Variants in DPP6 observed in about 807,000 individuals in gnomAD.
The protein encoded by DPP6 is A-type potassium channel modulatory protein DPP6.
In DPP6, 69 loss-of-function variants were observed where a neutral mutation model predicts 122.6. That is an observed-to-expected ratio of 0.56 (90% CI 0.46 to 0.69). The LOEUF (loss-of-function observed/expected upper bound fraction) is 0.69, where lower values mean the gene tolerates loss of function less well. DPP6 is among the 30% of genes least tolerant of loss of function. The pLI is 0.00. For synonymous variants in DPP6, 418 were observed against 433.1 expected (o/e 0.97, Z 0.43); for missense variants, 928 against 1,116.9 (o/e 0.83, Z 2.41).
chr7:154,189,603 A>G (rs1798515660), intron 1 of DPP6, among the ~76,000 whole-genome samples: 2 of 152,162 alleles, frequency 1.3e-5, no homozygotes, highest in Non-Finnish European at 2.9e-5. Context: ...ACATTTGGAA[A>G]AAGAAAAAAT....
intron 1 of DPP6, among the ~76,000 whole-genome samples, chr7:154,324,949 C>T (rs1297873252): frequency 6.7e-6 from 1 of 148,202 alleles, no homozygotes; most frequent in Non-Finnish European, 1.5e-5. Context: ...CAACCTCTGC[C>T]TCCTGGGTTG....
intron 1 of DPP6, among the ~76,000 whole-genome samples, chr7:154,081,402 G>C (rs1803999056): frequency 7.3e-6 from 1 of 136,206 alleles, no homozygotes; most frequent in South Asian, 2.5e-4. Flanking sequence ...CATCCTATTA[G>C]CGTACTTTTG....
the DPP6 span, among the ~76,000 whole-genome samples, chr7:153,805,202 C>T: frequency 6.6e-6 from 1 of 152,086 alleles, no homozygotes; most frequent in African/African-American, 2.4e-5. Flanking sequence ...GTTTCTTTTT[C>T]ATTGGTATAG....
chr7:154,080,946 C>T (rs1585332473), intron 1 of DPP6, among the ~76,000 whole-genome samples: 1 of 152,076 alleles, frequency 6.6e-6, no homozygotes, highest in Non-Finnish European at 1.5e-5. Context: ...ATGTGTATTA[C>T]CTTCTGCTCT....
chr7:153,867,819 C>T, the DPP6 span, among the ~76,000 whole-genome samples: 7 of 152,140 alleles, frequency 4.6e-5, no homozygotes, highest in South Asian at 2.1e-4. Context: ...TTTTGAGATA[C>T]GTCCCATCAA....
At chr7:154,082,952 C>T (rs1804137382) in intron 1 of DPP6, among the ~76,000 whole-genome samples, 1 of 150,666 alleles carries the variant, frequency 6.6e-6, no homozygotes, top group Non-Finnish European at 1.5e-5. Context: ...GGGTTCACAC[C>T]ATTCTCCTGC....
At chr7:154,226,134 C>T (rs1800585477) in intron 1 of DPP6, among the ~76,000 whole-genome samples, 1 of 152,090 alleles carries the variant, frequency 6.6e-6, no homozygotes, top group African/African-American at 2.4e-5. Flanking sequence ...GGAAGAGGAA[C>T]AGGGGAGGAG....
intron 1 of DPP6, among the ~76,000 whole-genome samples, chr7:153,934,445 A>G (rs1585053153): frequency 6.6e-6 from 1 of 152,348 alleles, no homozygotes; most frequent in East Asian, 1.9e-4. Context: ...TGAGGTTCTA[A>G]GGCCAGCATT....
At chr7:153,820,645 A>G in the DPP6 span, among the ~76,000 whole-genome samples, 1 of 152,280 alleles carries the variant, frequency 6.6e-6, no homozygotes, top group Middle Eastern at 3.4e-3. Context: ...GTAGTCACAT[A>G]GCAAAGGAGG....
chr7:154,402,076 A>G (rs1488707294), intron 1 of DPP6, among the ~76,000 whole-genome samples: 2 of 151,914 alleles, frequency 1.3e-5, no homozygotes, highest in Non-Finnish European at 2.9e-5. Context: ...TAGAATGGCA[A>G]TCATTAAAAA....
rs76812620 is a variant in DPP6 at position 154,528,386 on chromosome 7, T to G, written c.458-12146T>G. Among the ~76,000 whole-genome samples, 89 of 152,284 alleles carry G rather than the reference T, an allele frequency of 5.8e-4. 1 individual carries two copies. The East Asian group carries it at 0.014, about 24-fold the overall frequency. ...CATAAAGAGGCACAAAAGGTATAAT[T>G]TGACAAAAAAGAAACACCATGCCTA... On this transcript the variant is annotated intron_variant, in intron 3 of 25. Coordinates refer to ENST00000377770, the MANE Select transcript of DPP6 (RefSeq NM_130797.4).
intron 20 of DPP6, among the ~76,000 whole-genome samples, chr7:154,879,787 G>T (rs181917588): frequency 1.3e-5 from 2 of 152,238 alleles, no homozygotes; most frequent in East Asian, 3.9e-4. Context: ...GACTGGAGCT[G>T]CTCTCTCCTT....
At chr7:154,491,325 A>G (rs1044108013) in intron 3 of DPP6, among the ~76,000 whole-genome samples, 1 of 152,188 alleles carries the variant, frequency 6.6e-6, no homozygotes, top group African/African-American at 2.4e-5. Context: ...GTTAGCAACA[A>G]TGGCCCTGTT....
At chr7:154,368,238 A>G (rs538627411) in intron 1 of DPP6, among the ~76,000 whole-genome samples, 11 of 152,254 alleles carry the variant, frequency 7.2e-5, no homozygotes, top group South Asian at 2.1e-4. Flanking sequence ...TGCCAAGCAC[A>G]GGAATCTGGA....
At chr7:154,204,842 A>G (rs918732024) in intron 1 of DPP6, among the ~76,000 whole-genome samples, 3 of 152,028 alleles carry the variant, frequency 2.0e-5, no homozygotes, top group Admixed American at 6.6e-5. Flanking sequence ...TTTATACCGT[A>G]TATATGGATA....
At chr7:154,176,439 G>A (rs10241722) in intron 1 of DPP6, among the ~76,000 whole-genome samples, 7,841 of 152,226 alleles carry the variant, frequency 0.052, 699 homozygotes, top group African/African-American at 0.18. Flanking sequence ...CCAGACCATC[G>A]TTTAAAAAAA....
At chr7:153,977,198 G>GATGTGTGT (rs1554424794) in intron 1 of DPP6, among the ~76,000 whole-genome samples, 3 of 149,730 alleles carry the variant, frequency 2.0e-5, no homozygotes, top group Admixed American at 1.3e-4. Flanking sequence ...TACCAATAGG[G>GATGTGTGT]GTGTGTGTGT....
chr7:154,668,218 TAA>T (rs1491323374), intron 6 of DPP6, among the ~76,000 whole-genome samples: 3 of 108,796 alleles, frequency 2.8e-5, no homozygotes, highest in South Asian at 3.4e-4. Flanking sequence ...TATATATATA[TAA>T]TATACACATT....
rs562789939 is a variant in DPP6 at position 154,352,379 on chromosome 7, C to A, written c.244-93835C>A. ...TCAGGAGGCTGAGGCAGGAGAATGGCCAGAACCCGGGAGGCGGAGCTTGCA... is the reference window on the plus strand; with the variant it reads ...TCAGGAGGCTGAGGCAGGAGAATGGACAGAACCCGGGAGGCGGAGCTTGCA... On this transcript the variant is annotated intron_variant, in intron 1 of 25. Transcript: ENST00000377770. Among the ~76,000 whole-genome samples, 39 of 152,098 alleles carry A rather than the reference C, an allele frequency of 2.6e-4. No homozygotes were observed. In the East Asian group the frequency reaches 7.2e-3, roughly 28 times the overall value.
Sources: gnomAD v4.1 joint callset for allele counts (sites outside exome capture counted in the v4.1 genomes callset) on GRCh38, gnomAD v4.1.1 for gene constraint, MANE v1.5 for transcripts, NCBI Gene and HGNC (gene_info 2026-07-23, HGNC 2026-07-21) for gene names.